TMEM59: variants seen among roughly 807,000 people sequenced by gnomAD.
TMEM59 encodes transmembrane protein 59, also known as dendritic cell factor 1.
In TMEM59, 44 loss-of-function variants were observed where a neutral mutation model predicts 42.2. The ratio of observed to expected loss-of-function variants is 1.04; its 90% CI spans 0.82 to 1.34. The LOEUF (loss-of-function observed/expected upper bound fraction) is 1.34. Among genes scored for constraint, TMEM59 ranks in the 40% most tolerant of loss-of-function variants. The pLI, the probability that TMEM59 is intolerant of heterozygous loss-of-function variation, is 0.00. For missense variants in TMEM59, 359 were observed against 382.8 expected, an observed-to-expected ratio of 0.94 and a Z score of 0.52; for synonymous variants, 148 against 145.8, an observed-to-expected ratio of 1.02 and a Z score of -0.11.
In TMEM59 at chr1:54,032,713, T is replaced by C. The variant is rs560578890; in HGVS notation, c.817-408A>G. On this transcript the variant is annotated intron_variant, in intron 7 of 7. Transcript: ENST00000234831. ...TTGAAAAGGCTGCGAGAACAAAGAA[T>C]ATGCATGAAATGCTCTCACACTGAT... 2.0e-5 allele frequency among the ~76,000 whole-genome samples: 3 copies of C among 152,336 alleles called. No individual in the cohort carries two copies. In the East Asian group the frequency reaches 5.8e-4, roughly 29 times the overall value.
intron 1 of TMEM59, among the ~76,000 whole-genome samples, chr1:54,051,112 C>T (rs2100338471): frequency 6.6e-6 from 1 of 152,244 alleles, no homozygotes; most frequent in South Asian, 2.1e-4. Context: ...ACCTCGGCCT[C>T]CCAAAGTGCT....
At chr1:54,032,924 C>CTT (rs746149150) in intron 7 of TMEM59, among the ~76,000 whole-genome samples, 4 of 138,080 alleles carry the variant, frequency 2.9e-5, no homozygotes, top group African/African-American at 7.9e-5. Flanking sequence ...GTCTCTGTCT[C>CTT]TTTTTTTTTT....
At chr1:54,053,438 TC>T (rs1657661275), upstream of TMEM59, 2 of 521,996 alleles carry the variant, frequency 3.8e-6, no homozygotes, top group Non-Finnish European at 6.8e-6. Context: ...AAGCGGGGCC[TC>T]CTGACTTCTT....
chr1:54,034,145 T>TAA (rs1656866811), intron 7 of TMEM59: 1 of 142,448 alleles, frequency 7.0e-6, no homozygotes, highest in Non-Finnish European at 1.5e-5. Context: ...AAAAAAGTGA[T>TAA]AAAGTGATAC....
chr1:54,051,104 C>T (rs1379365714), intron 1 of TMEM59, among the ~76,000 whole-genome samples: 1 of 152,050 alleles, frequency 6.6e-6, no homozygotes, highest in Non-Finnish European at 1.5e-5. Flanking sequence ...ATCCACCCAC[C>T]TCGGCCTCCC....
chr1:54,037,631 T>C (rs1462139965), intron 6 of TMEM59, among the ~76,000 whole-genome samples: 2 of 152,208 alleles, frequency 1.3e-5, no homozygotes, highest in Non-Finnish European at 1.5e-5. Flanking sequence ...TAGTAAGAGA[T>C]CTATACTTAC....
rs1251567254 is a variant in TMEM59 at position 54,040,642 on chromosome 1, C to T, written c.707+114G>A. 6 of 759,260 alleles carry T rather than the reference C, an allele frequency of 7.9e-6. No homozygotes were observed. The South Asian group carries it at 1.1e-4, about 15-fold the overall frequency. 47.0% of individuals were successfully genotyped at this position (759,260 alleles called of 1,614,324 possible). On this transcript the variant is annotated intron_variant, in intron 6 of 7. Coordinates refer to ENST00000234831, the MANE Select transcript of TMEM59 (RefSeq NM_004872.5). Reference sequence around the variant, plus strand: ...TCTAATGTACAACTTTGGAAAGGAACAAGTAAAAAGGTTTACTTTTGAGGT... The same window carrying T: ...TCTAATGTACAACTTTGGAAAGGAATAAGTAAAAAGGTTTACTTTTGAGGT...
intron 1 of TMEM59, among the ~76,000 whole-genome samples, chr1:54,050,570 T>C (rs377609710): frequency 4.0e-5 from 5 of 126,020 alleles, no homozygotes; most frequent in South Asian, 2.2e-4. Context: ...ATGTTTCTTT[T>C]TTTTTTTTTT....
intron 6 of TMEM59, among the ~76,000 whole-genome samples, chr1:54,037,513 G>C (rs1656992630): frequency 6.6e-6 from 1 of 152,130 alleles, no homozygotes. Context: ...AAGATTCAAA[G>C]AATAGGAAAA....
chr1:54,043,969 T>C (rs1657234750), intron 3 of TMEM59: 1 of 152,096 alleles, frequency 6.6e-6, no homozygotes, highest in Non-Finnish European at 1.5e-5. Context: ...GAAGAATATA[T>C]ACATAAAATG....
rs748841024 is a variant in TMEM59, at chr1:54,053,025, G to A, written c.164C>T (p.Thr55Ile). The A allele has an allele frequency of 1.2e-6, 2 of 1,614,114 alleles. No homozygotes were observed. The highest frequency in any genetic ancestry group is 1.1e-5 in the South Asian group (1 of 91,068). The change falls in exon 1 of 8, where the codon ACC becomes ATC. Residue 55 changes from threonine (T) to isoleucine (I), a missense_variant. Thr to Ile is a moderately conservative substitution (Grantham distance 89). Coordinates refer to ENST00000234831, the MANE Select transcript of TMEM59 (RefSeq NM_004872.5). ...CTTAGGGTAGGTGTGCAAGGGGTAGGTCAACTGACAGGCCCGGTGGCAAGA... is the reference window on the plus strand; with the variant it reads ...CTTAGGGTAGGTGTGCAAGGGGTAGATCAACTGACAGGCCCGGTGGCAAGA... The part of the protein sequence containing the change: ...TASCHRACQL[T>I]YPLHTYPKEE...
upstream of TMEM59, chr1:54,053,309 C>T: frequency 7.9e-7 from 1 of 1,259,592 alleles, no homozygotes; most frequent in South Asian, 1.4e-5. Flanking sequence ...TCCGCTGTCA[C>T]TTCAGCTCCG....
At chr1:54,049,536 T>C (rs1657458076) in intron 1 of TMEM59, among the ~76,000 whole-genome samples, 1 of 152,204 alleles carries the variant, frequency 6.6e-6, no homozygotes, top group Non-Finnish European at 1.5e-5. Flanking sequence ...TATACAAAAA[T>C]AATGATTTCA....
intron 1 of TMEM59, among the ~76,000 whole-genome samples, chr1:54,049,259 T>C (rs1004251069): frequency 7.9e-5 from 12 of 152,236 alleles, no homozygotes; most frequent in African/African-American, 2.9e-4. Flanking sequence ...TACTCTTACA[T>C]CAATCCTAAC....
chr1:54,031,744 A>G lies in TMEM59; in HGVS notation c.*406T>C, dbSNP rs1478669901. On this transcript the variant is annotated 3_prime_UTR_variant, in exon 8 of 8. Transcript: ENST00000234831. ...GTGTCATTAAAGGTCATTTCCTGCT[A>G]AATTTCAAATTACAGATTTGTGGGC... The G allele has an allele frequency of 6.5e-6, 1 of 154,042 alleles. No individual in the cohort carries two copies. The highest frequency in any genetic ancestry group is 1.4e-5 in the Non-Finnish European group (1 of 69,068). The allele number at this position is 154,042 out of a possible 1,614,324, so 9.5% of individuals were successfully genotyped here. A position where few individuals can be genotyped will look rare whatever the true frequency, so the allele number is the denominator to read the frequency against.
intron 1 of TMEM59, among the ~76,000 whole-genome samples, chr1:54,051,519 C>A (rs982010733): frequency 9.2e-5 from 14 of 152,202 alleles, no homozygotes; most frequent in Admixed American, 2.6e-4. Flanking sequence ...AAAGTACCTA[C>A]AACTTCCAGG....
intron 1 of TMEM59, 82 bp from the exon 2 acceptor site, chr1:54,047,454 G>A: frequency 1.8e-6 from 2 of 1,100,630 alleles, no homozygotes; most frequent in Non-Finnish European, 1.3e-6. Flanking sequence ...GAAGAAAGCA[G>A]TTAGTAAAGT....
At chr1:54,046,105 A>G (rs1164219898) in intron 2 of TMEM59, among the ~76,000 whole-genome samples, 1 of 152,214 alleles carries the variant, frequency 6.6e-6, no homozygotes, top group Non-Finnish European at 1.5e-5. Context: ...CCACTCAAAA[A>G]GGTTTAGTTC....
chr1:54,047,219 A>G, intron 2 of TMEM59, 48 bp downstream of exon 2: 19 of 1,473,282 alleles, frequency 1.3e-5, no homozygotes, highest in Non-Finnish European at 1.6e-5. Context: ...GCTTATCACA[A>G]AGAAAACAAT....
Sources: gnomAD v4.1 joint callset for allele counts (sites outside exome capture counted in the v4.1 genomes callset) on GRCh38, gnomAD v4.1.1 for gene constraint, MANE v1.5 for transcripts, NCBI Gene and HGNC (gene_info 2026-07-23, HGNC 2026-07-21) for gene names.